The following APC variants were observed in gnomAD, a reference collection of about 807,000 sequenced individuals.
APC encodes the protein adenomatous polyposis coli protein.
Under a neutral mutation model 247.0 loss-of-function variants are expected in APC, and 72 were observed. That is an observed-to-expected ratio of 0.29 (90% confidence interval 0.24 to 0.35). The LOEUF is 0.35. APC is among the 10% of genes least tolerant of loss of function. APC has a pLI of 1.00. For synonymous variants in APC, 1,254 were observed against 1,162.5 expected (o/e 1.08, Z -1.60); for missense variants, 3,400 against 3,360.7 (o/e 1.01, Z -0.29).
At chr5:112,764,247 A>G (rs74789182) in intron 2 of APC, among the ~76,000 whole-genome samples, 2 of 31,510 alleles carry the variant, frequency 6.3e-5, no homozygotes, top group Admixed American at 4.1e-4. Context: ...CTCCGTCTCA[A>G]AAAAAAAAAA....
intron 8 of APC, among the ~76,000 whole-genome samples, chr5:112,811,866 C>G (rs1419331027): frequency 2.0e-5 from 3 of 152,206 alleles, no homozygotes; most frequent in Admixed American, 2.0e-4. Context: ...GTCTCTGGTT[C>G]AGGGTCTCCC....
chr5:112,807,400 A>G (rs1171722170), intron 8 of APC, among the ~76,000 whole-genome samples: 3 of 152,144 alleles, frequency 2.0e-5, no homozygotes, highest in Non-Finnish European at 2.9e-5. Context: ...AATCAGCCAT[A>G]TATAATTTTT....
chr5:112,726,357 G>T (rs1044211782), intron 1 of APC, among the ~76,000 whole-genome samples: 13 of 152,294 alleles, frequency 8.5e-5, no homozygotes, highest in African/African-American at 3.1e-4. Context: ...GAAGGGGGAT[G>T]GAGTGGGAAG....
intron 1 of APC, among the ~76,000 whole-genome samples, chr5:112,724,465 A>G (rs1416161338): frequency 6.6e-6 from 1 of 152,206 alleles, no homozygotes; most frequent in Non-Finnish European, 1.5e-5. Context: ...GCGCAATACT[A>G]GAATACATTT....
chr5:112,829,689 T>A (rs1764113505), intron 14 of APC: 2 of 152,348 alleles, frequency 1.3e-5, no homozygotes, highest in South Asian at 4.1e-4. Flanking sequence ...CCCCTAGTTA[T>A]GCCGATCAAA....
intron 15 of APC, among the ~76,000 whole-genome samples, chr5:112,836,612 T>C (rs1277397468): frequency 6.6e-6 from 1 of 152,236 alleles, no homozygotes; most frequent in Non-Finnish European, 1.5e-5. Flanking sequence ...TCTCACTCCT[T>C]GTTTTTATAT....
At chr5:112,740,252 T>G (rs1156750958) in intron 1 of APC, among the ~76,000 whole-genome samples, 2 of 152,198 alleles carry the variant, frequency 1.3e-5, no homozygotes, top group African/African-American at 4.8e-5. Flanking sequence ...AAAGATCGTC[T>G]TATTAATCAT....
At position 112,827,167 on chromosome 5, in the gene APC, A is replaced by G. The variant is rs568527758; in HGVS notation, c.1468A>G (p.Asn490Asp). The change falls in exon 12 of 16, where the codon AAT (asparagine) becomes GAT (aspartate). Residue 490 changes from asparagine to aspartate, a missense_variant. This residue lies in a region of APC where 199 missense variants were observed against 212.5 expected (regional missense o/e 0.94). Transcript: ENST00000257430. Reference protein sequence around the residue: ...QVDCEMYGLTNDHYSITLRRY... With the variant: ...QVDCEMYGLTDDHYSITLRRY... ...GGACTGTGAAATGTATGGGCTTACT[A>G]ATGACCACTACAGTATTACACTAAG... The G allele has an allele frequency of 6.2e-7, 1 of 1,613,836 alleles. No homozygotes were observed. Among genetic ancestry groups the G allele is most frequent in the African/African-American group, 1.3e-5 (1 of 75,032 alleles).
chr5:112,805,349 G>A (rs1021908257), intron 8 of APC, among the ~76,000 whole-genome samples: 4 of 152,248 alleles, frequency 2.6e-5, no homozygotes, highest in Middle Eastern at 3.4e-3. Context: ...TATAGGGATG[G>A]CAGAGGAAAA....
intron 1 of APC, among the ~76,000 whole-genome samples, chr5:112,738,779 T>A (rs1250911188): frequency 6.6e-6 from 1 of 152,256 alleles, no homozygotes; most frequent in Non-Finnish European, 1.5e-5. Context: ...TACTGTTTTT[T>A]AAAGTAGGAA....
intron 1 of APC, among the ~76,000 whole-genome samples, chr5:112,725,192 C>G (rs114900275): frequency 0.017 from 2,587 of 152,164 alleles, 39 homozygotes; most frequent in South Asian, 0.025. Flanking sequence ...AGGCTGTTCT[C>G]AAACTACTGA....
At chr5:112,798,797 T>C (rs959380915) in intron 7 of APC, among the ~76,000 whole-genome samples, 15 of 152,300 alleles carry the variant, frequency 9.8e-5, no homozygotes, top group Non-Finnish European at 1.9e-4. Context: ...AAATGTTAAA[T>C]GGTAGTTTGG....
In APC at chr5:112,707,581, T is replaced by C. The variant is rs1750580599; in HGVS notation, c.-137T>C. On this transcript the variant is annotated 5_prime_UTR_variant, in exon 1 of 14. Coordinates refer to the APC transcript ENST00000507379. ...GTGTGGCCGCCGGAAGCCTAGCCGC[T>C]GCTCGGGGGGGACCTGCGGGCTCAG... The C allele has an allele frequency of 1.1e-6, 1 of 925,232 alleles. No homozygotes were observed. Among genetic ancestry groups the C allele is most frequent in the Non-Finnish European group, 1.5e-6 (1 of 659,960 alleles). The allele number at this position is 925,232 out of a possible 1,614,324, so 57.3% of individuals were successfully genotyped here.
intron 1 of APC, among the ~76,000 whole-genome samples, chr5:112,744,360 A>T (rs1484833326): frequency 6.6e-6 from 1 of 152,138 alleles, no homozygotes; most frequent in Non-Finnish European, 1.5e-5. Context: ...CTTTCTGTTC[A>T]TTCTTACGTG....
At chr5:112,763,333 C>T (rs756411781) in intron 2 of APC, among the ~76,000 whole-genome samples, 164 of 148,150 alleles carry the variant, frequency 1.1e-3, no homozygotes, top group Non-Finnish European at 1.9e-3. Flanking sequence ...TTTATGCAAA[C>T]TTGCATTTGA....
chr5:112,802,506 C>T (rs1278824389), intron 8 of APC, among the ~76,000 whole-genome samples: 1 of 152,050 alleles, frequency 6.6e-6, no homozygotes, highest in East Asian at 1.9e-4. Flanking sequence ...TAGATCTACT[C>T]GTAGTGCTTT....
intron 1 of APC, among the ~76,000 whole-genome samples, chr5:112,730,866 TTATATA>T (rs1008137924): frequency 6.6e-6 from 1 of 152,034 alleles, no homozygotes; most frequent in African/African-American, 2.4e-5. Flanking sequence ...TGGAAAGAAA[TTATATA>T]TATTAGGTTG....
At chr5:112,749,643 A>G (rs1272760876) in intron 1 of APC, among the ~76,000 whole-genome samples, 2 of 151,966 alleles carry the variant, frequency 1.3e-5, no homozygotes, top group Non-Finnish European at 2.9e-5. Flanking sequence ...ACATGCCACC[A>G]TGCCCGGCTA....
chr5:112,748,884 T>G (rs1053242599), intron 1 of APC, among the ~76,000 whole-genome samples: 3 of 152,098 alleles, frequency 2.0e-5, no homozygotes, highest in Non-Finnish European at 2.9e-5. Context: ...GTAGTCCCAG[T>G]TACTCTAGAG....
Sources: gnomAD v4.1 joint callset for allele counts (sites outside exome capture counted in the v4.1 genomes callset) on GRCh38, gnomAD v4.1.1 for gene constraint, gnomAD v4.1.1 regional missense constraint, MANE v1.5 for transcripts, NCBI Gene and HGNC (gene_info 2026-07-23, HGNC 2026-07-21) for gene names.